The following METTL15 variants were observed in gnomAD, a reference collection of about 807,000 sequenced individuals.
METTL15 encodes the protein methyltransferase 15, mitochondrial 12S rRNA N4-cytidine, also known as 12S rRNA N(4)-cytidine methyltransferase METTL15.
A neutral mutation model predicts 38.3 loss-of-function variants in METTL15; 34 were observed. That is an observed-to-expected ratio of 0.89 (90% CI 0.68 to 1.18). The LOEUF (loss-of-function observed/expected upper bound fraction) is 1.18, where lower values mean the gene tolerates loss of function less well. Ranked by LOEUF, METTL15 falls within the 50% of genes most tolerant of loss-of-function variation. The pLI is 0.00. For missense variants in METTL15, 438 were observed against 498.4 expected, an observed-to-expected ratio of 0.88 and a Z score of 1.15; for synonymous variants, 162 against 170.9, an observed-to-expected ratio of 0.95 and a Z score of 0.41.
At chr11:28,499,179 C>T (rs1407019629) in intron 6 of METTL15, among the ~76,000 whole-genome samples, 1 of 152,142 alleles carries the variant, frequency 6.6e-6, no homozygotes, top group African/African-American at 2.4e-5. Context: ...CAGACCTGCC[C>T]CTTGGACCTT....
In METTL15 at chr11:28,113,428, A is replaced by G. The variant is rs541206734; in HGVS notation, c.94A>G (p.Arg32Gly). The G allele has an allele frequency of 1.9e-6, 3 of 1,600,924 alleles. No individual in the cohort carries two copies. The highest frequency in any genetic ancestry group is 2.7e-5 in the African/African-American group (2 of 73,676). ...GIPNLGVWPN[R>G]IHTTAEKYRE... ...ACCTAATTTAGGTGTCTGGCCAAACAGAATACATACTACAGCAGAAAAATA... is the reference window on the plus strand; with the variant it reads ...ACCTAATTTAGGTGTCTGGCCAAACGGAATACATACTACAGCAGAAAAATA... Residue 32 changes from arginine (R) to glycine (G), a missense_variant, in exon 3 of 7, where the codon AGA becomes GGA. Physicochemically the swap from Arg to Gly is moderately radical, Grantham distance 125. Coordinates refer to ENST00000407364, the MANE Select transcript of METTL15 (RefSeq NM_001113528.2).
chr11:28,257,140 A>T (rs945623333), intron 4 of METTL15, among the ~76,000 whole-genome samples: 1 of 152,084 alleles, frequency 6.6e-6, no homozygotes, highest in Non-Finnish European at 1.5e-5. Context: ...TGTATGAAGG[A>T]TATTTTTACT....
intron 4 of METTL15, among the ~76,000 whole-genome samples, chr11:28,361,713 A>C (rs1021474053): frequency 6.6e-6 from 1 of 152,070 alleles, no homozygotes; most frequent in Non-Finnish European, 1.5e-5. Context: ...ATAAATATTT[A>C]TTTAATACTT....
chr11:28,515,963 C>A (rs1179836338), intron 6 of METTL15, among the ~76,000 whole-genome samples: 1 of 152,236 alleles, frequency 6.6e-6, no homozygotes, highest in African/African-American at 2.4e-5. Flanking sequence ...AGACAGCTAT[C>A]TGTTTCTGTC....
chr11:28,263,003 T>C (rs1855271719), intron 4 of METTL15, among the ~76,000 whole-genome samples: 2 of 152,044 alleles, frequency 1.3e-5, no homozygotes, highest in Admixed American at 6.6e-5. Context: ...TCTGTTTTCT[T>C]TTTTTTAATT....
At chr11:28,116,389 C>A (rs1250485059) in intron 3 of METTL15, among the ~76,000 whole-genome samples, 2 of 152,134 alleles carry the variant, frequency 1.3e-5, no homozygotes, top group Non-Finnish European at 2.9e-5. Context: ...ATCCCTTATT[C>A]TAGAAGCTAC....
rs185910982 is a variant in METTL15, at chr11:28,319,786, T to C, written c.779-10610T>C. 5.9e-5 allele frequency among the ~76,000 whole-genome samples: 9 copies of C among 152,320 alleles called. No individual in the cohort carries two copies. In the East Asian group the frequency reaches 1.5e-3, roughly 26 times the overall value. ...GGGAAATTGTGGGTAAACAAAGTTA[T>C]ACAGTTATCTTAAGAGCTTTACCAT... On this transcript the variant is annotated intron_variant, in intron 6 of 6. Coordinates refer to ENST00000407364, the MANE Select transcript of METTL15 (RefSeq NM_001113528.2).
chr11:28,532,094 G>C, the METTL15 span, among the ~76,000 whole-genome samples: 361 of 152,170 alleles, frequency 2.4e-3, no homozygotes, highest in African/African-American at 7.9e-3. Flanking sequence ...ACCATCATCA[G>C]CATCAGCTAT....
intron 5 of METTL15, among the ~76,000 whole-genome samples, chr11:28,397,072 C>A (rs907381135): frequency 9.9e-4 from 150 of 152,242 alleles, no homozygotes; most frequent in African/African-American, 1.9e-3. Flanking sequence ...CTTCCTTACA[C>A]TTTATACAAA....
intron 4 of METTL15, among the ~76,000 whole-genome samples, chr11:28,220,202 CTT>C (rs1269469496): frequency 6.6e-6 from 1 of 152,076 alleles, no homozygotes; most frequent in African/African-American, 2.4e-5. Context: ...ATCGAAGTCT[CTT>C]TGTAGGTCTC....
In METTL15 at chr11:28,331,508, TTCA is replaced by T. The variant is rs1204697275; in HGVS notation, c.*669_*671del. 6.6e-6 allele frequency: 1 copy of T among 152,056 alleles called. No homozygotes were observed. The highest frequency in any genetic ancestry group is 1.5e-5 in the Non-Finnish European group (1 of 67,970). 9.4% of individuals were successfully genotyped at this position (152,056 alleles called of 1,614,324 possible). A position where few individuals can be genotyped will look rare whatever the true frequency, so the allele number is the denominator to read the frequency against. On this transcript the variant is annotated 3_prime_UTR_variant, in exon 7 of 7. Transcript: ENST00000407364. The stretch of plus-strand genomic sequence containing the variant: ...GAGAATTGTTTCACAAAACTTATAT[TTCA>T]TGTCAATTGTATTTATTTTAATAAT...
intron 6 of METTL15, among the ~76,000 whole-genome samples, chr11:28,495,592 A>G (rs527258673): frequency 7.2e-5 from 11 of 152,118 alleles, no homozygotes; most frequent in South Asian, 6.2e-4. Flanking sequence ...ATGTTTGCTT[A>G]TATGTTTCAG....
At chr11:28,297,440 A>G (rs368601457) in intron 6 of METTL15, among the ~76,000 whole-genome samples, 11 of 152,282 alleles carry the variant, frequency 7.2e-5, no homozygotes, top group African/African-American at 2.6e-4. Context: ...GTTCTAAACA[A>G]CCAACTAACA....
At chr11:28,197,082 G>A (rs966124721) in intron 3 of METTL15, among the ~76,000 whole-genome samples, 2 of 151,150 alleles carry the variant, frequency 1.3e-5, no homozygotes, top group Admixed American at 1.3e-4. Context: ...TTTCAATTTG[G>A]GCTTGAATGA....
At chr11:28,435,950 A>G (rs1261592636) in intron 6 of METTL15, among the ~76,000 whole-genome samples, 1 of 152,210 alleles carries the variant, frequency 6.6e-6, no homozygotes, top group Non-Finnish European at 1.5e-5. Flanking sequence ...TCCCTCCCGG[A>G]AAATCATGGA....
At chr11:28,137,965 A>C (rs577782338) in intron 3 of METTL15, among the ~76,000 whole-genome samples, 1 of 152,194 alleles carries the variant, frequency 6.6e-6, no homozygotes, top group Non-Finnish European at 1.5e-5. Context: ...TAGTCAGATC[A>C]TTGGCCTCAG....
At chr11:28,226,241 G>A (rs556667211) in intron 4 of METTL15, among the ~76,000 whole-genome samples, 1 of 152,030 alleles carries the variant, frequency 6.6e-6, no homozygotes, top group South Asian at 2.1e-4. Context: ...TCACTCCACT[G>A]CCTTGAATCA....
rs770893140 is a variant in METTL15, at chr11:28,217,897, T to C, written c.407+6699T>C. ...TATGCGGCATTTTTTCTGAGGGCTC[T>C]ATTCGGTTCCTTTGGTCTATATCTC... On this transcript the variant is annotated intron_variant, in intron 4 of 6. Transcript: ENST00000407364. Among the ~76,000 whole-genome samples, 5 of 152,316 alleles carry C rather than the reference T, an allele frequency of 3.3e-5. No homozygotes were observed. The South Asian group carries it at 8.3e-4, about 25-fold the overall frequency.
intron 6 of METTL15, among the ~76,000 whole-genome samples, chr11:28,496,919 C>T (rs780415369): frequency 1.3e-5 from 2 of 152,172 alleles, no homozygotes; most frequent in African/African-American, 2.4e-5. Context: ...CCTTCTCTTT[C>T]TTGACTGAGA....
Sources: allele counts gnomAD v4.1 joint callset (sites outside exome capture counted in the v4.1 genomes callset), GRCh38; gene constraint gnomAD v4.1.1; transcripts MANE v1.5; gene names NCBI Gene and HGNC (gene_info 2026-07-23, HGNC 2026-07-21).